TANC2: variants seen among roughly 807,000 people sequenced by gnomAD.
TANC2 encodes tetratricopeptide repeat, ankyrin repeat and coiled-coil containing 2, also known as protein TANC2.
Under a neutral mutation model 210.5 loss-of-function variants are expected in TANC2, and 26 were observed. The observed-to-expected ratio is 0.12, with a 90% CI of 0.09 to 0.17. The LOEUF is 0.17. TANC2 is among the 10% of genes least tolerant of loss of function. The pLI, the probability that TANC2 is intolerant of heterozygous loss-of-function variation, is 1.00. For synonymous variants in TANC2, 931 were observed against 967.1 expected (o/e 0.96, Z 0.69); for missense variants, 2,129 against 2,608.9 (o/e 0.82, Z 4.01).
chr17:63,244,615 T>C (rs1254345585), intron 8 of TANC2, among the ~76,000 whole-genome samples: 2 of 152,236 alleles, frequency 1.3e-5, no homozygotes, highest in Non-Finnish European at 2.9e-5. Flanking sequence ...ACAAACAAGA[T>C]GAATTTTTGT....
intron 14 of TANC2, among the ~76,000 whole-genome samples, chr17:63,373,856 C>A (rs1464712478): frequency 6.6e-6 from 1 of 151,996 alleles, no homozygotes; most frequent in East Asian, 1.9e-4. Context: ...TGGTGCACGC[C>A]CATAATCCCA....
At chr17:63,416,969 C>CTTCTG (rs1568002653) in intron 26 of TANC2, among the ~76,000 whole-genome samples, 17 of 152,356 alleles carry the variant, frequency 1.1e-4, no homozygotes, top group Admixed American at 1.0e-3. Flanking sequence ...TTGCTGCCAA[C>CTTCTG]CCACTGATCT....
intron 8 of TANC2, among the ~76,000 whole-genome samples, chr17:63,245,840 A>T (rs2042902127): frequency 7.4e-6 from 1 of 134,448 alleles, no homozygotes; most frequent in Non-Finnish European, 1.6e-5. Context: ...GGGACTCCTT[A>T]TCAAAAAAAA....
At chr17:63,054,123 C>G (rs1169834171) in intron 2 of TANC2, among the ~76,000 whole-genome samples, 1 of 152,190 alleles carries the variant, frequency 6.6e-6, no homozygotes, top group African/African-American at 2.4e-5. Flanking sequence ...CTGAATCTGT[C>G]TTACATTTAA....
intron 7 of TANC2, among the ~76,000 whole-genome samples, chr17:63,237,272 T>C (rs554465208): frequency 1.8e-4 from 27 of 152,160 alleles, no homozygotes; most frequent in Non-Finnish European, 2.9e-4. Flanking sequence ...TGTCTCCTTT[T>C]GGAAAATTTC....
At chr17:63,220,420 G>A (rs1159908870) in intron 7 of TANC2, among the ~76,000 whole-genome samples, 1 of 151,698 alleles carries the variant, frequency 6.6e-6, no homozygotes, top group Non-Finnish European at 1.5e-5. Context: ...TTACAGAATA[G>A]GCTGGGCACG....
At chr17:63,026,655 T>C (rs2034567097) in intron 2 of TANC2, among the ~76,000 whole-genome samples, 1 of 152,168 alleles carries the variant, frequency 6.6e-6, no homozygotes, top group African/African-American at 2.4e-5. Context: ...AGTGATCATA[T>C]ATTGAATGAA....
intron 7 of TANC2, among the ~76,000 whole-genome samples, chr17:63,236,373 C>T (rs1454093072): frequency 6.6e-6 from 1 of 151,896 alleles, no homozygotes; most frequent in Non-Finnish European, 1.5e-5. Context: ...ATGTAAACTT[C>T]ATGAAAGAAG....
chr17:63,164,788 A>G (rs1309114146), intron 5 of TANC2, among the ~76,000 whole-genome samples: 1 of 152,106 alleles, frequency 6.6e-6, no homozygotes, highest in Non-Finnish European at 1.5e-5. Flanking sequence ...AAGCAAATTC[A>G]CCCTTCCTCT....
At position 63,026,800 on chromosome 17, in the gene TANC2, T is replaced by C. The variant is rs563171604; in HGVS notation, c.67+17174T>C. Among the ~76,000 whole-genome samples the C allele has an allele frequency of 3.3e-5, 5 of 152,314 alleles. No individual in the cohort carries two copies. The East Asian group carries it at 9.6e-4, about 29-fold the overall frequency. ...TCTTATTCCAACTTTAGGATTATGC[T>C]TCCCCAGGACCTCAGAACAATTTTA... On this transcript the variant is annotated intron_variant, in intron 2 of 27. Transcript: ENST00000689528.
At chr17:63,131,987 A>C (rs996932060) in intron 4 of TANC2, among the ~76,000 whole-genome samples, 22 of 152,244 alleles carry the variant, frequency 1.4e-4, no homozygotes, top group African/African-American at 5.3e-4. Flanking sequence ...ATTGGAGTGC[A>C]TACATTCAGC....
At chr17:63,153,967 CTG>C (rs1045239357) in intron 5 of TANC2, 1 of 149,760 alleles carries the variant, frequency 6.7e-6, no homozygotes, top group Admixed American at 6.7e-5. Context: ...GAAAGCTACT[CTG>C]GAGTATAGCT....
chr17:63,021,587 C>A (rs1045255286), intron 2 of TANC2, among the ~76,000 whole-genome samples: 1 of 152,206 alleles, frequency 6.6e-6, no homozygotes, highest in Non-Finnish European at 1.5e-5. Context: ...CAAAATAAAC[C>A]TTTCTTCTTT....
chr17:63,222,504 A>G (rs1409482673), intron 7 of TANC2, among the ~76,000 whole-genome samples: 1 of 152,232 alleles, frequency 6.6e-6, no homozygotes. Context: ...GTGAAATTCT[A>G]CAAAAGGCAA....
chr17:63,021,178 T>TA (rs1355207167), intron 2 of TANC2, among the ~76,000 whole-genome samples: 1 of 152,222 alleles, frequency 6.6e-6, no homozygotes, highest in Non-Finnish European at 1.5e-5. Flanking sequence ...GCGCTCTGAA[T>TA]AATGAATGCT....
chr17:63,406,412 C>A, intron 21 of TANC2, 135 bp downstream of exon 21: 1 of 1,221,500 alleles, frequency 8.2e-7, no homozygotes, highest in Non-Finnish European at 1.2e-6. Context: ...AAGGCTATCT[C>A]CTCCCCTCTT....
chr17:63,283,273 T>G (rs968280934), intron 9 of TANC2, among the ~76,000 whole-genome samples: 1 of 151,992 alleles, frequency 6.6e-6, no homozygotes, highest in African/African-American at 2.4e-5. Flanking sequence ...AAATTATTCA[T>G]CCATAGATAT....
intron 8 of TANC2, among the ~76,000 whole-genome samples, chr17:63,249,082 C>A (rs912417469): frequency 1.3e-5 from 2 of 152,054 alleles, no homozygotes; most frequent in Non-Finnish European, 2.9e-5. Flanking sequence ...AAACAATTAA[C>A]ACTCCATGTT....
intron 7 of TANC2, among the ~76,000 whole-genome samples, chr17:63,205,944 T>C (rs113202201): frequency 1.1e-3 from 162 of 152,052 alleles, no homozygotes; most frequent in African/African-American, 3.8e-3. Flanking sequence ...CCCACAGATA[T>C]TGGAAATAAT....
Sources: gnomAD v4.1 joint callset for allele counts (sites outside exome capture counted in the v4.1 genomes callset) on GRCh38, gnomAD v4.1.1 for gene constraint, MANE v1.5 for transcripts, NCBI Gene and HGNC (gene_info 2026-07-23, HGNC 2026-07-21) for gene names.